RALGAPA2: variants seen among roughly 807,000 people sequenced by gnomAD.
RALGAPA2 encodes the protein Ral GTPase activating protein catalytic subunit alpha 2.
RALGAPA2 carries 139 observed loss-of-function variants against 230.4 expected under a neutral mutation model. That is an observed-to-expected ratio of 0.60 (90% CI 0.53 to 0.69). The LOEUF is 0.69. RALGAPA2 is among the 30% of genes least tolerant of loss of function. RALGAPA2 has a pLI of 0.00. For missense variants in RALGAPA2, 2,163 were observed against 2,276.0 expected (o/e 0.95, Z 1.01); for synonymous variants, 847 against 837.8 (o/e 1.01, Z -0.19).
rs550623103 is a variant in RALGAPA2, at chr20:20,514,087, C to A, written c.4085-803G>T. ...AAGTGGAAATCCTTTCCTAGACTGG[C>A]AGCCTGAGCTGCCCCAACCTTCCTG... On this transcript the variant is annotated intron_variant, in intron 31 of 39. Transcript: ENST00000202677. Among the ~76,000 whole-genome samples, 4 of 152,288 alleles carry A rather than the reference C, an allele frequency of 2.6e-5. No individual in the cohort carries two copies. The East Asian group carries it at 7.7e-4, about 29-fold the overall frequency.
chr20:20,697,453 A>C (rs1452183965), intron 1 of RALGAPA2, among the ~76,000 whole-genome samples: 1 of 152,226 alleles, frequency 6.6e-6, no homozygotes, highest in Non-Finnish European at 1.5e-5. Flanking sequence ...ATTAGCACAA[A>C]AGTCAATGAA....
Position 20,524,461 on chromosome 20 carries a change from G to A in RALGAPA2, c.3845C>T (p.Ala1282Val), listed in dbSNP as rs753953433. The A allele has an allele frequency of 8.1e-6, 13 of 1,613,950 alleles. No homozygotes were observed. In the South Asian group the frequency reaches 1.4e-4, roughly 18 times the overall value. ...GGCCGAATGCTGCTCCTCTAGGACT[G>A]CTGTGGACACGGGGTGGAGAAGGAC... ...VSVLLHPVSTAVLEEQHSARA... is the reference protein window; with the variant it reads ...VSVLLHPVSTVVLEEQHSARA... The change falls in exon 30 of 40, where the codon GCA becomes GTA. Residue 1282 changes from alanine (A) to valine (V), a missense_variant. Physicochemically the swap from Ala to Val is moderately conservative, Grantham distance 64. Transcript: ENST00000202677.
At chr20:20,471,191 C>CA (rs1270504002) in intron 37 of RALGAPA2, 1 of 152,134 alleles carries the variant, frequency 6.6e-6, no homozygotes, top group African/African-American at 2.4e-5. Flanking sequence ...GAAAAGTTTT[C>CA]AAAGTGATTC....
chr20:20,550,685 G>A (rs1284351514), intron 23 of RALGAPA2, among the ~76,000 whole-genome samples: 1 of 152,154 alleles, frequency 6.6e-6, no homozygotes, highest in African/African-American at 2.4e-5. Context: ...GTGTGACTGT[G>A]GGCAGATCAT....
chr20:20,628,020 G>A (rs538378392), intron 10 of RALGAPA2, among the ~76,000 whole-genome samples: 2 of 152,258 alleles, frequency 1.3e-5, no homozygotes, highest in Non-Finnish European at 2.9e-5. Flanking sequence ...CACAGAGAGT[G>A]AGAAGAACCA....
Position 20,497,283 on chromosome 20 carries a change from G to A in RALGAPA2, c.5209-2008C>T, listed in dbSNP as rs573838786. Among the ~76,000 whole-genome samples the A allele has an allele frequency of 3.3e-5, 5 of 152,234 alleles. No homozygotes were observed. The East Asian group carries it at 9.6e-4, about 29-fold the overall frequency. On this transcript the variant is annotated intron_variant, in intron 35 of 39. Coordinates refer to ENST00000202677, the MANE Select transcript of RALGAPA2 (RefSeq NM_020343.4). ...TCCTAAAATTCAGTCCTTTTGAAGT[G>A]AAAACACGGTAGCCAGCATCACCAA...
In RALGAPA2 at chr20:20,503,395, A is replaced by T; in HGVS notation, c.5164T>A (p.Ser1722Thr). ...TCTGAGTCTGACGGCATTCGAGTGG[A>T]AACATGGAAAATCACTTCCACAGTT... ...TSTVEVIFHV[S>T]TRMPSDSDDS... Residue 1722 changes from serine to threonine, a missense_variant, in exon 35 of 40, where the codon TCC becomes ACC. Ser to Thr is a moderately conservative substitution (Grantham distance 58, BLOSUM62 1). Coordinates refer to ENST00000202677, the MANE Select transcript of RALGAPA2 (RefSeq NM_020343.4). 6.2e-7 allele frequency: 1 copy of T among 1,605,564 alleles called. No homozygotes were observed.
chr20:20,697,995 C>G (rs1205500952), intron 1 of RALGAPA2, among the ~76,000 whole-genome samples: 1 of 151,956 alleles, frequency 6.6e-6, no homozygotes, highest in African/African-American at 2.4e-5. Context: ...CTGCCACTTG[C>G]AACCTAAAAG....
intron 4 of RALGAPA2, among the ~76,000 whole-genome samples, chr20:20,645,255 T>C (rs1394250465): frequency 1.3e-5 from 2 of 151,540 alleles, no homozygotes; most frequent in Non-Finnish European, 1.5e-5. Context: ...GCTGGGATTA[T>C]AGGTGCATAC....
At chr20:20,648,991 A>AC (rs528816199) in intron 4 of RALGAPA2, among the ~76,000 whole-genome samples, 52 of 151,746 alleles carry the variant, frequency 3.4e-4, no homozygotes, top group African/African-American at 6.0e-4. Flanking sequence ...CAAGAAGAGG[A>AC]CCCCCCCAGA....
chr20:20,498,349 T>C (rs1039997601), intron 35 of RALGAPA2, among the ~76,000 whole-genome samples: 9 of 152,174 alleles, frequency 5.9e-5, no homozygotes, highest in African/African-American at 2.2e-4. Context: ...AATGCTCAGA[T>C]TTTAAGTCTT....
chr20:20,491,164 C>T (rs952178339), intron 36 of RALGAPA2, among the ~76,000 whole-genome samples: 2 of 152,182 alleles, frequency 1.3e-5, no homozygotes, highest in African/African-American at 4.8e-5. Context: ...AGGCTTAGAA[C>T]TGGAACTCTG....
At chr20:20,473,759 C>T (rs908987674) in intron 36 of RALGAPA2, among the ~76,000 whole-genome samples, 1 of 152,100 alleles carries the variant, frequency 6.6e-6, no homozygotes, top group Non-Finnish European at 1.5e-5. Flanking sequence ...TCCTTTTTCC[C>T]CCATTAGAAT....
rs538247526 is a variant in RALGAPA2, at chr20:20,389,994, T to C, written c.*3295A>G. 2 of 152,226 alleles carry C rather than the reference T, an allele frequency of 1.3e-5. No homozygotes were observed. Among genetic ancestry groups the C allele is most frequent in the African/African-American group, 4.8e-5 (2 of 41,524 alleles). 9.4% of individuals were successfully genotyped at this position (152,226 alleles called of 1,614,324 possible). ...GTGTATGTCATATGGACAGACTGAG[T>C]GCAACTAAAACGATGGTTGTTTCAT... On this transcript the variant is annotated 3_prime_UTR_variant, in exon 40 of 40. Coordinates refer to ENST00000202677, the MANE Select transcript of RALGAPA2 (RefSeq NM_020343.4).
At chr20:20,556,020 C>T (rs772876511) in intron 23 of RALGAPA2, among the ~76,000 whole-genome samples, 3 of 152,144 alleles carry the variant, frequency 2.0e-5, no homozygotes, top group Non-Finnish European at 4.4e-5. Flanking sequence ...AATGGAAATG[C>T]CTGTTATTTC....
chr20:20,415,152 T>G (rs913669), intron 37 of RALGAPA2, among the ~76,000 whole-genome samples: 1 of 152,260 alleles, frequency 6.6e-6, no homozygotes, highest in East Asian at 1.9e-4. Flanking sequence ...CATTTTCTTA[T>G]CTAATATCCT....
At chr20:20,681,901 A>G (rs1270153962) in intron 1 of RALGAPA2, among the ~76,000 whole-genome samples, 1 of 152,184 alleles carries the variant, frequency 6.6e-6, no homozygotes, top group Non-Finnish European at 1.5e-5. Context: ...CAAACAAACA[A>G]TAAAAAGCTT....
intron 10 of RALGAPA2, 126 bp from the exon 11 acceptor site, chr20:20,620,756 T>C (rs956571933): frequency 3.9e-6 from 3 of 767,018 alleles, no homozygotes; most frequent in Non-Finnish European, 5.9e-6. Flanking sequence ...CTTATAAATA[T>C]ACTACACAGG....
chr20:20,672,378 T>A (rs1445656121), intron 3 of RALGAPA2, among the ~76,000 whole-genome samples: 1 of 152,134 alleles, frequency 6.6e-6, no homozygotes, highest in African/African-American at 2.4e-5. Flanking sequence ...AGGATTATCA[T>A]CTACAAAATA....
Sources: allele counts gnomAD v4.1 joint callset (sites outside exome capture counted in the v4.1 genomes callset), GRCh38; gene constraint gnomAD v4.1.1; transcripts MANE v1.5; gene names NCBI Gene and HGNC (gene_info 2026-07-23, HGNC 2026-07-21).